The following COPS8 variants were observed in gnomAD, a reference collection of about 807,000 sequenced individuals.
The protein encoded by COPS8 is COP9 signalosome subunit 8.
COPS8 carries 11 observed loss-of-function variants against 31.5 expected under a neutral mutation model. The ratio of observed to expected loss-of-function variants is 0.35; its 90% CI spans 0.22 to 0.58. The LOEUF is 0.58. Ranked by LOEUF, COPS8 falls within the 20% of genes least tolerant of loss-of-function variation. COPS8 has a pLI of 0.83. For missense variants in COPS8, 215 were observed against 255.1 expected (o/e 0.84, Z 1.07); for synonymous variants, 81 against 89.3 (o/e 0.91, Z 0.52).
chr2:237,094,361 G>C (rs1559300238), intron 5 of COPS8, among the ~76,000 whole-genome samples, 164 bp downstream of exon 5: 1 of 152,120 alleles, frequency 6.6e-6, no homozygotes, highest in Non-Finnish European at 1.5e-5. Context: ...CACCCAGCAG[G>C]CACCCTGCAG....
At position 237,086,182 on chromosome 2, in the gene COPS8, C is replaced by A. The variant is rs554299732; in HGVS notation, c.78+140C>A. 1.4e-3 allele frequency: 1,108 copies of A among 801,196 alleles called. 3 individuals carry two copies. Among genetic ancestry groups the A allele is most frequent in the Non-Finnish European group, 2.1e-3 (1,015 of 481,090 alleles). 49.6% of individuals were successfully genotyped at this position (801,196 alleles called of 1,614,324 possible). On this transcript the variant is annotated intron_variant, in intron 1 of 7. Coordinates refer to ENST00000354371, the MANE Select transcript of COPS8 (RefSeq NM_006710.5). ...GGGCGTGGGAGGTGGACGTGTGGATCCCTGACCGCCGCAACCTGCTCCGAC... is the reference window on the plus strand; with the variant it reads ...GGGCGTGGGAGGTGGACGTGTGGATACCTGACCGCCGCAACCTGCTCCGAC...
intron 3 of COPS8, among the ~76,000 whole-genome samples, chr2:237,089,177 T>C (rs1253948821): frequency 6.6e-6 from 1 of 152,218 alleles, no homozygotes; most frequent in Non-Finnish European, 1.5e-5. Flanking sequence ...AATGATTCCA[T>C]GTGTCTAACA....
rs1432012693 is a variant in COPS8 at position 237,085,983 on chromosome 2, G to T, written c.19G>T (p.Ala7Ser). The T allele has an allele frequency of 6.2e-7, 1 of 1,612,316 alleles. No homozygotes were observed. Among genetic ancestry groups the T allele is most frequent in the Non-Finnish European group, 8.5e-7 (1 of 1,178,962 alleles). ...CGCGAAGATGCCAGTGGCGGTGATG[G>T]CGGAAAGCGCCTTTAGTTTCAAAAA... MPVAVM[A>S]ESAFSFKKLL... The change falls in exon 1 of 8, where the codon GCG (alanine) becomes TCG (serine). Residue 7 changes from alanine (A) to serine (S), a missense_variant. Physicochemically the swap from Ala to Ser is moderately conservative, Grantham distance 99. Coordinates refer to ENST00000354371, the MANE Select transcript of COPS8 (RefSeq NM_006710.5).
intron 5 of COPS8, among the ~76,000 whole-genome samples, chr2:237,094,849 C>G (rs1377415269): frequency 6.6e-6 from 1 of 152,066 alleles, no homozygotes. Flanking sequence ...ACCTGTAATC[C>G]CAACTACTCA....
rs2106348971 is a variant in COPS8, at chr2:237,100,439, A to G, written c.*2697A>G. ...GCCCATCAGCAGTTGTGAACATGACATGGTGAATAAACACTCTCTTCCTTG... is the reference window on the plus strand; with the variant it reads ...GCCCATCAGCAGTTGTGAACATGACGTGGTGAATAAACACTCTCTTCCTTG... On this transcript the variant is annotated 3_prime_UTR_variant, in exon 8 of 8. Transcript: ENST00000354371. 6.6e-6 allele frequency: 1 copy of G among 152,270 alleles called. No homozygotes were observed. Among genetic ancestry groups the G allele is most frequent in the East Asian group, 1.9e-4 (1 of 5,184 alleles). The allele number at this position is 152,270 out of a possible 1,614,324, so 9.4% of individuals were successfully genotyped here.
intron 4 of COPS8, among the ~76,000 whole-genome samples, chr2:237,092,587 A>G (rs1276540712): frequency 3.3e-5 from 5 of 151,460 alleles, no homozygotes; most frequent in Non-Finnish European, 7.4e-5. Flanking sequence ...GCTCTTTTCC[A>G]TTGTTGGCTC....
intron 2 of COPS8, 149 bp downstream of exon 2, chr2:237,087,346 A>G (rs1424182818): frequency 1.4e-5 from 8 of 571,898 alleles, no homozygotes; most frequent in African/African-American, 1.9e-5. Flanking sequence ...CTATTGAATC[A>G]TAGGTTAATG....
intron 3 of COPS8, among the ~76,000 whole-genome samples, chr2:237,089,111 G>T (rs1413247721): frequency 6.6e-6 from 1 of 152,136 alleles, no homozygotes; most frequent in Non-Finnish European, 1.5e-5. Flanking sequence ...GAGATTAGAA[G>T]AAATAGCCTG....
At chr2:237,094,510 C>A (rs755736076) in intron 5 of COPS8, among the ~76,000 whole-genome samples, 16 of 152,058 alleles carry the variant, frequency 1.1e-4, no homozygotes, top group Non-Finnish European at 1.6e-4. Context: ...CAGCATCATC[C>A]CCACGTCCCT....
intron 1 of COPS8, 145 bp downstream of exon 1, chr2:237,086,187 A>G (rs1162100428): frequency 2.7e-6 from 2 of 753,454 alleles, no homozygotes; most frequent in Non-Finnish European, 4.5e-6. Context: ...TGGATCCCTG[A>G]CCGCCGCAAC....
At chr2:237,093,885 T>C (rs754194661) in intron 4 of COPS8, 47 of 1,203,868 alleles carry the variant, frequency 3.9e-5, no homozygotes, top group Non-Finnish European at 4.8e-5. Flanking sequence ...CAAGAGGAAG[T>C]GTAAGAAATG....
intron 4 of COPS8, among the ~76,000 whole-genome samples, chr2:237,091,077 G>A (rs1015856920): frequency 1.4e-4 from 22 of 152,182 alleles, no homozygotes; most frequent in Admixed American, 1.2e-3. Flanking sequence ...GTGTTTTACA[G>A]CGGGTTGATT....
intron 1 of COPS8, chr2:237,086,721 C>G: frequency 2.1e-6 from 2 of 937,078 alleles, no homozygotes; most frequent in Non-Finnish European, 2.5e-6. Context: ...GATTTTCTGT[C>G]TCTTATTCAG....
intron 4 of COPS8, among the ~76,000 whole-genome samples, chr2:237,090,278 C>T (rs529027080): frequency 6.6e-6 from 1 of 152,158 alleles, no homozygotes; most frequent in East Asian, 1.9e-4. Context: ...TTGTAATATT[C>T]TAATAAGTTT....
chr2:237,087,945 A>G (rs1399613723), intron 2 of COPS8, among the ~76,000 whole-genome samples: 3 of 144,580 alleles, frequency 2.1e-5, no homozygotes, highest in Admixed American at 1.3e-4. Context: ...AAAGGAAAGC[A>G]TAACTGCAAA....
chr2:237,089,430 T>C (rs1250098806), intron 3 of COPS8, among the ~76,000 whole-genome samples: 2 of 152,222 alleles, frequency 1.3e-5, no homozygotes, highest in African/African-American at 4.8e-5. Context: ...TTAGAGAGGC[T>C]ACAATGTATG....
At chr2:237,086,189 C>G in intron 1 of COPS8, 147 bp downstream of exon 1, 1 of 756,944 alleles carries the variant, frequency 1.3e-6, no homozygotes, top group Non-Finnish European at 2.3e-6. Context: ...GATCCCTGAC[C>G]GCCGCAACCT....
At chr2:237,096,390 T>C (rs1238072419) in intron 6 of COPS8, among the ~76,000 whole-genome samples, 1 of 152,172 alleles carries the variant, frequency 6.6e-6, no homozygotes, top group Non-Finnish European at 1.5e-5. Flanking sequence ...TCAGTCTTCC[T>C]GTTGGAAGTG....
At chr2:237,097,224 C>CTTT (rs996251270) in intron 7 of COPS8, among the ~76,000 whole-genome samples, 8,917 of 95,606 alleles carry the variant, frequency 0.093, 256 homozygotes, top group Non-Finnish European at 0.13. Flanking sequence ...TGTGGGTTTT[C>CTTT]TTTTTTTTTT....
Sources: allele counts gnomAD v4.1 joint callset (sites outside exome capture counted in the v4.1 genomes callset), GRCh38; gene constraint gnomAD v4.1.1; transcripts MANE v1.5; gene names NCBI Gene and HGNC (gene_info 2026-07-23, HGNC 2026-07-21).